ESRRG: variants seen among roughly 807,000 people sequenced by gnomAD.
ESRRG encodes estrogen-related receptor gamma.
ESRRG carries 13 observed loss-of-function variants against 44.0 expected under a neutral mutation model. The ratio of observed to expected loss-of-function variants is 0.30; its 90% confidence interval spans 0.19 to 0.47. ESRRG has a LOEUF of 0.47. ESRRG is among the 20% of genes least tolerant of loss of function. The pLI is 1.00. For missense variants in ESRRG, 395 were observed against 580.6 expected, an observed-to-expected ratio of 0.68 and a Z score of 3.29; for synonymous variants, 215 against 214.6, an observed-to-expected ratio of 1.00 and a Z score of -0.02.
rs1343977109 is a variant in ESRRG, at chr1:216,505,641, A to C, written c.*1298T>G. The C allele has an allele frequency of 6.6e-6, 1 of 152,450 alleles. No homozygotes were observed. Among genetic ancestry groups the C allele is most frequent in the African/African-American group, 2.4e-5 (1 of 41,414 alleles). The allele number at this position is 152,450 out of a possible 1,614,324, so 9.4% of individuals were successfully genotyped here. A position where few individuals can be genotyped will look rare whatever the true frequency, so the allele number is the denominator to read the frequency against. On this transcript the variant is annotated 3_prime_UTR_variant, in exon 7 of 7. Transcript: ENST00000408911. ...AGGTGCACTCCTGACAATTCTACGG[A>C]TCTATATCTCATGTGCAGTGCTTAT...
intron 1 of ESRRG, among the ~76,000 whole-genome samples, chr1:217,041,176 C>T (rs2083792955): frequency 6.6e-6 from 1 of 152,030 alleles, no homozygotes; most frequent in Non-Finnish European, 1.5e-5. Flanking sequence ...CACGAAATCA[C>T]AGAGACCCAG....
chr1:216,678,807 G>T (rs1299314015), intron 1 of ESRRG, among the ~76,000 whole-genome samples: 1 of 152,152 alleles, frequency 6.6e-6, no homozygotes, highest in East Asian at 1.9e-4. Context: ...TCTGGGTAAT[G>T]GTCATTCACT....
chr1:216,504,870 A>G lies in ESRRG; in HGVS notation c.*2069T>C, dbSNP rs973450392. 6.6e-6 allele frequency: 1 copy of G among 152,552 alleles called. No individual in the cohort carries two copies. Among genetic ancestry groups the G allele is most frequent in the African/African-American group, 2.4e-5 (1 of 41,420 alleles). 9.4% of individuals were successfully genotyped at this position (152,552 alleles called of 1,614,324 possible). ...TGTTTGGAGTTTCAATCTCTTAATT[A>G]TTATTAGGAAGAACCTTATTACTGG... is the stretch of plus-strand genomic sequence containing the variant. On this transcript the variant is annotated 3_prime_UTR_variant, in exon 7 of 7. Transcript: ENST00000408911.
At chr1:217,101,852 G>C (rs2092517553) in intron 1 of ESRRG, among the ~76,000 whole-genome samples, 1 of 151,934 alleles carries the variant, frequency 6.6e-6, no homozygotes, top group African/African-American at 2.4e-5. Flanking sequence ...TGTTGCCCAG[G>C]CTGAAGGGCA....
At chr1:217,040,554 C>CT (rs1052346473) in intron 1 of ESRRG, among the ~76,000 whole-genome samples, 45 of 152,230 alleles carry the variant, frequency 3.0e-4, no homozygotes, top group African/African-American at 9.9e-4. Flanking sequence ...CAATCAAAAA[C>CT]TTTTTTTATG....
At chr1:216,886,100 A>G (rs1559986378) in intron 2 of ESRRG, among the ~76,000 whole-genome samples, 1 of 152,238 alleles carries the variant, frequency 6.6e-6, no homozygotes, top group East Asian at 1.9e-4. Flanking sequence ...TAAGCCTAGT[A>G]TGAATAATCT....
At chr1:216,809,193 G>C (rs1454936485) in intron 2 of ESRRG, among the ~76,000 whole-genome samples, 1 of 152,068 alleles carries the variant, frequency 6.6e-6, no homozygotes, top group African/African-American at 2.4e-5. Flanking sequence ...ATTAAGCCAA[G>C]GCTCTGAAAC....
chr1:216,633,327 G>C (rs2064630135), intron 3 of ESRRG, among the ~76,000 whole-genome samples: 1 of 152,194 alleles, frequency 6.6e-6, no homozygotes, highest in African/African-American at 2.4e-5. Context: ...CAGTGGGCTT[G>C]CAGGGGCTGG....
chr1:216,742,039 T>A (rs2090808446), intron 2 of ESRRG, among the ~76,000 whole-genome samples: 1 of 152,180 alleles, frequency 6.6e-6, no homozygotes, highest in South Asian at 2.1e-4. Flanking sequence ...AAATCAAGAT[T>A]CTTTTAACCT....
chr1:216,778,117 G>A (rs911843760), intron 2 of ESRRG, among the ~76,000 whole-genome samples: 4 of 152,062 alleles, frequency 2.6e-5, no homozygotes, highest in Non-Finnish European at 5.9e-5. Context: ...TTGTATAGGT[G>A]AGCTTTCTTG....
At chr1:217,085,841 C>T (rs2092057020) in intron 1 of ESRRG, among the ~76,000 whole-genome samples, 1 of 152,042 alleles carries the variant, frequency 6.6e-6, no homozygotes, top group Non-Finnish European at 1.5e-5. Flanking sequence ...CATCCACTAG[C>T]ATGAGAGGGT....
At chr1:216,632,115 GTAC>G (rs2064327314) in intron 3 of ESRRG, among the ~76,000 whole-genome samples, 1 of 152,180 alleles carries the variant, frequency 6.6e-6, no homozygotes, top group Non-Finnish European at 1.5e-5. Context: ...TCTATCCAGT[GTAC>G]TACTATGTCA....
At chr1:216,988,116 A>G (rs1324672100) in intron 1 of ESRRG, among the ~76,000 whole-genome samples, 3 of 152,160 alleles carry the variant, frequency 2.0e-5, no homozygotes, top group Non-Finnish European at 2.9e-5. Context: ...GAAACTCAAA[A>G]TAAGGTGTTG....
At chr1:216,814,764 G>A (rs901881047) in intron 2 of ESRRG, among the ~76,000 whole-genome samples, 2 of 152,076 alleles carry the variant, frequency 1.3e-5, no homozygotes, top group African/African-American at 4.8e-5. Context: ...TTAAATGTCG[G>A]TGGATAGTTT....
intron 1 of ESRRG, among the ~76,000 whole-genome samples, chr1:217,111,520 C>T (rs1558273601): frequency 6.6e-6 from 1 of 152,140 alleles, no homozygotes; most frequent in African/African-American, 2.4e-5. Context: ...ACTATGGGAA[C>T]AATATGAGTG....
chr1:216,830,065 A>T (rs2095462470), intron 2 of ESRRG, among the ~76,000 whole-genome samples: 1 of 152,184 alleles, frequency 6.6e-6, no homozygotes, highest in Non-Finnish European at 1.5e-5. Context: ...GAATTTTATT[A>T]ACATCCTCTC....
chr1:216,608,068 T>C (rs2060164715), intron 3 of ESRRG, among the ~76,000 whole-genome samples: 1 of 152,342 alleles, frequency 6.6e-6, no homozygotes, highest in South Asian at 2.1e-4. Context: ...TTTCTATAAC[T>C]GAGCAGTCCA....
At chr1:216,834,163 G>A (rs2095528867) in intron 2 of ESRRG, among the ~76,000 whole-genome samples, 1 of 152,200 alleles carries the variant, frequency 6.6e-6, no homozygotes, top group African/African-American at 2.4e-5. Context: ...CACTCTGGAA[G>A]GCTGAGGCAG....
rs1270662620 is a variant in ESRRG, at chr1:216,506,445, A to G, written c.*494T>C. 6.1e-6 allele frequency: 2 copies of G among 328,952 alleles called. No homozygotes were observed. The highest frequency in any genetic ancestry group is 5.9e-6 in the Non-Finnish European group (1 of 169,022). 20.4% of individuals were successfully genotyped at this position (328,952 alleles called of 1,614,324 possible). A position where few individuals can be genotyped will look rare whatever the true frequency, so the allele number is the denominator to read the frequency against. On this transcript the variant is annotated 3_prime_UTR_variant, in exon 7 of 7. Transcript: ENST00000408911. ...AAAAAGAAAGATGGAAAGAAGGTCA[A>G]GAGGAAAGGAAAGGAAAGGGAAAAG...
Sources: gnomAD v4.1 joint callset for allele counts (sites outside exome capture counted in the v4.1 genomes callset) on GRCh38, gnomAD v4.1.1 for gene constraint, MANE v1.5 for transcripts, NCBI Gene and HGNC (gene_info 2026-07-23, HGNC 2026-07-21) for gene names.